M1AP: variants seen among roughly 807,000 people sequenced by gnomAD.
M1AP encodes meiosis 1 associated protein.
M1AP carries 39 observed loss-of-function variants against 51.2 expected under a neutral mutation model. That is an observed-to-expected ratio of 0.76 (90% CI 0.59 to 1.00). M1AP has a LOEUF of 1.00. Among genes scored for constraint, M1AP ranks in the 50% least tolerant of loss-of-function variants. The probability of loss-of-function intolerance (pLI) is 0.00; values close to 1 mark genes in which losing one functional copy is unlikely to be tolerated. For missense variants in M1AP, 545 were observed against 641.2 expected (o/e 0.85, Z 1.62); for synonymous variants, 251 against 249.2 (o/e 1.01, Z -0.07).
intron 4 of M1AP, among the ~76,000 whole-genome samples, chr2:74,595,278 G>A (rs536688674): frequency 6.6e-6 from 1 of 152,060 alleles, no homozygotes; most frequent in Non-Finnish European, 1.5e-5. Flanking sequence ...GCCTCCCACA[G>A]TGCTGGGATT....
rs1558645123 is a variant in M1AP at position 74,562,436 on chromosome 2, C to T, written c.1075-13G>A. The T allele has an allele frequency of 2.5e-6, 4 of 1,613,908 alleles. No individual in the cohort carries two copies. Among genetic ancestry groups the T allele is most frequent in the Non-Finnish European group, 1.7e-6 (2 of 1,179,856 alleles). ...GCCATTCCCTTTTCTGAAACAAGGA[C>T]ATACAGAAATACTGGTTCATCTTTA... On this transcript the variant is annotated splice_polypyrimidine_tract_variant and intron_variant, in intron 7 of 10. Coordinates refer to ENST00000421985, the MANE Select transcript of M1AP (RefSeq NM_001321739.2).
At position 74,615,117 on chromosome 2, in the gene M1AP, G is replaced by T. The variant is rs140339820; in HGVS notation, c.273C>A (p.Thr91=). ...GTAACATGCGGAGTTCTGAGATGCA[G>T]GTCTGCAACCTAGCAAAGTTCCCTT... ...QVKGNFARLQ[T]CISELRMLQR... Residue 91 remains threonine, a synonymous_variant, in exon 3 of 11, where the codon ACC becomes ACA. Transcript: ENST00000421985. The T allele has an allele frequency of 1.9e-6, 3 of 1,614,162 alleles. No individual in the cohort carries two copies. Among genetic ancestry groups the T allele is most frequent in the Non-Finnish European group, 2.5e-6 (3 of 1,180,018 alleles).
intron 7 of M1AP, among the ~76,000 whole-genome samples, chr2:74,574,862 C>G (rs1678960701): frequency 6.6e-6 from 1 of 152,208 alleles, no homozygotes; most frequent in South Asian, 2.1e-4. Context: ...CCACCCTTCA[C>G]CTGGTTAATT....
At chr2:74,618,448 T>C (rs1465100352) in intron 2 of M1AP, among the ~76,000 whole-genome samples, 1 of 152,118 alleles carries the variant, frequency 6.6e-6, no homozygotes, top group Non-Finnish European at 1.5e-5. Flanking sequence ...GGTGAAAACC[T>C]AATGCTCTTC....
intron 4 of M1AP, among the ~76,000 whole-genome samples, chr2:74,589,830 A>G (rs1217382523): frequency 6.6e-6 from 1 of 152,226 alleles, no homozygotes. Context: ...TTGACTGTTA[A>G]CTAAAGAACT....
At chr2:74,632,212 T>G (rs1161331776) in intron 2 of M1AP, among the ~76,000 whole-genome samples, 1 of 152,222 alleles carries the variant, frequency 6.6e-6, no homozygotes, top group Non-Finnish European at 1.5e-5. Context: ...ATAATTTACC[T>G]GGCAGACCTC....
intron 4 of M1AP, among the ~76,000 whole-genome samples, chr2:74,588,664 T>C (rs886923329): frequency 6.6e-6 from 1 of 152,146 alleles, no homozygotes; most frequent in Non-Finnish European, 1.5e-5. Context: ...GGGGTGGTGG[T>C]AGTGGTTATC....
At chr2:74,596,227 G>C (rs1289132639) in intron 4 of M1AP, among the ~76,000 whole-genome samples, 1 of 152,136 alleles carries the variant, frequency 6.6e-6, no homozygotes, top group African/African-American at 2.4e-5. Context: ...ATAAGAGAGA[G>C]ACTTTAAGTA....
At chr2:74,640,364 C>A in intron 1 of M1AP, 37 bp from the exon 2 acceptor site, 3 of 1,509,112 alleles carry the variant, frequency 2.0e-6, no homozygotes, top group Non-Finnish European at 2.7e-6. Context: ...GGTTTTCAAA[C>A]TGAATTATGT....
chr2:74,579,393 A>G (rs926232748), intron 5 of M1AP, among the ~76,000 whole-genome samples: 2 of 152,218 alleles, frequency 1.3e-5, no homozygotes, highest in Non-Finnish European at 2.9e-5. Flanking sequence ...GGAGGAAGAT[A>G]GACCTGGGTT....
chr2:74,598,882 A>G (rs1177956148), intron 4 of M1AP, among the ~76,000 whole-genome samples: 1 of 151,996 alleles, frequency 6.6e-6, no homozygotes, highest in Non-Finnish European at 1.5e-5. Context: ...TTGGCCTCCC[A>G]AAGTGCTAGG....
chr2:74,562,140 C>G (rs1678059411), intron 8 of M1AP, 77 bp downstream of exon 8: 1 of 1,524,972 alleles, frequency 6.6e-7, no homozygotes. Flanking sequence ...CCCTCATGGG[C>G]TCACTCCTCT....
intron 4 of M1AP, among the ~76,000 whole-genome samples, chr2:74,601,298 G>A (rs564333002): frequency 3.3e-5 from 5 of 151,698 alleles, no homozygotes; most frequent in East Asian, 1.9e-4. Context: ...GTGCCAATAC[G>A]GAAAAAATCC....
chr2:74,613,112 G>T (rs1306775376), intron 3 of M1AP, among the ~76,000 whole-genome samples: 2 of 151,938 alleles, frequency 1.3e-5, no homozygotes, highest in African/African-American at 4.8e-5. Flanking sequence ...CAATGTTTTT[G>T]ATCTCTAGCA....
At chr2:74,580,548 GC>G (rs1466804018) in intron 5 of M1AP, among the ~76,000 whole-genome samples, 1 of 152,192 alleles carries the variant, frequency 6.6e-6, no homozygotes, top group Non-Finnish European at 1.5e-5. Context: ...GTCTTGGGAA[GC>G]CTTAATCCTG....
At chr2:74,579,522 T>C (rs1679278794) in intron 5 of M1AP, among the ~76,000 whole-genome samples, 1 of 152,212 alleles carries the variant, frequency 6.6e-6, no homozygotes, top group South Asian at 2.1e-4. Flanking sequence ...TAATTTTCTG[T>C]GCAGCCCTGG....
intron 4 of M1AP, among the ~76,000 whole-genome samples, chr2:74,604,662 GT>G (rs1455296920): frequency 6.6e-6 from 1 of 152,212 alleles, no homozygotes; most frequent in Non-Finnish European, 1.5e-5. Context: ...TGGCCCGGGG[GT>G]TGGAGATCCC....
intron 4 of M1AP, among the ~76,000 whole-genome samples, chr2:74,602,682 A>G (rs1247406503): frequency 6.6e-6 from 1 of 152,206 alleles, no homozygotes; most frequent in East Asian, 1.9e-4. Flanking sequence ...AAGGGAATAA[A>G]ACAATTAATT....
intron 7 of M1AP, among the ~76,000 whole-genome samples, chr2:74,562,973 G>T (rs879676434): frequency 3.3e-5 from 5 of 152,262 alleles, no homozygotes; most frequent in East Asian, 3.9e-4. Context: ...ATGGGGTGTT[G>T]TCTGTTGTAG....
Sources: gnomAD v4.1 joint callset for allele counts (sites outside exome capture counted in the v4.1 genomes callset) on GRCh38, gnomAD v4.1.1 for gene constraint, MANE v1.5 for transcripts, NCBI Gene and HGNC (gene_info 2026-07-23, HGNC 2026-07-21) for gene names.